Variants in PCDH15 observed in about 807,000 individuals in gnomAD.
PCDH15 encodes the protein protocadherin-15.
Under a neutral mutation model 178.5 loss-of-function variants are expected in PCDH15, and 129 were observed. The observed-to-expected ratio is 0.72, with a 90% CI of 0.63 to 0.84. The LOEUF (loss-of-function observed/expected upper bound fraction) is 0.84, where lower values mean the gene tolerates loss of function less well. Ranked by LOEUF, PCDH15 falls within the 40% of genes least tolerant of loss-of-function variation. The pLI, the probability that PCDH15 is intolerant of heterozygous loss-of-function variation, is 0.00. For synonymous variants in PCDH15, 800 were observed against 732.0 expected (o/e 1.09, Z -1.50); for missense variants, 2,230 against 2,099.9 (o/e 1.06, Z -1.21).
chr10:54,545,165 G>T (rs1488738752), intron 2 of PCDH15, among the ~76,000 whole-genome samples: 1 of 152,162 alleles, frequency 6.6e-6, no homozygotes, highest in African/African-American at 2.4e-5. Context: ...CAAGGACAGA[G>T]AAATTTTTAC....
At chr10:54,057,553 C>T (rs1367651651) in intron 18 of PCDH15, among the ~76,000 whole-genome samples, 2 of 151,934 alleles carry the variant, frequency 1.3e-5, no homozygotes, top group African/African-American at 4.8e-5. Flanking sequence ...AGGATACACA[C>T]AGCAGAGGGG....
intron 30 of PCDH15, among the ~76,000 whole-genome samples, chr10:53,828,985 T>C (rs2076868240): frequency 6.6e-6 from 1 of 152,180 alleles, no homozygotes; most frequent in Non-Finnish European, 1.5e-5. Flanking sequence ...TACTCTTGGC[T>C]TCACTTTGAA....
At chr10:55,397,125 T>C (rs1837949342) in intron 2 of PCDH15, among the ~76,000 whole-genome samples, 1 of 152,186 alleles carries the variant, frequency 6.6e-6, no homozygotes, top group African/African-American at 2.4e-5. Flanking sequence ...TAGAACTAGA[T>C]GTAATAGCTA....
chr10:55,275,803 T>C (rs1281951187), intron 1 of PCDH15, among the ~76,000 whole-genome samples: 5 of 151,568 alleles, frequency 3.3e-5, no homozygotes, highest in African/African-American at 1.2e-4. Flanking sequence ...AAAAGTCTTT[T>C]GGGATTTAAA....
chr10:54,687,981 A>G (rs2095045490), intron 1 of PCDH15, among the ~76,000 whole-genome samples: 1 of 152,134 alleles, frequency 6.6e-6, no homozygotes, highest in Non-Finnish European at 1.5e-5. Flanking sequence ...GTCTATAGTC[A>G]AAGATTATAC....
In PCDH15 at chr10:55,106,372, A is replaced by ATGTTT. The variant is rs1402466379; in HGVS notation, c.-80+60203_-80+60204insAAACA. ...TTTTGACATAAACTATAGAATAAGA[A>ATGTTT]GATATGAAACAAACATAAATATACA... On this transcript the variant is annotated intron_variant, in intron 2 of 5. Transcript: ENST00000458638. Among the ~76,000 whole-genome samples the ATGTTT allele has an allele frequency of 2.6e-5, 4 of 152,232 alleles. No individual in the cohort carries two copies. In the South Asian group the frequency reaches 8.3e-4, roughly 32 times the overall value.
intron 2 of PCDH15, among the ~76,000 whole-genome samples, chr10:55,536,202 A>G (rs1413676): frequency 0.31 from 47,600 of 151,960 alleles, 7,616 homozygotes; most frequent in African/African-American, 0.38. Context: ...TCAAGATATG[A>G]AACTGATATG....
chr10:54,691,809 C>T (rs766046895), intron 1 of PCDH15, among the ~76,000 whole-genome samples: 1 of 152,062 alleles, frequency 6.6e-6, no homozygotes, highest in Non-Finnish European at 1.5e-5. Context: ...TGTAGACTTT[C>T]TGCTTACGGA....
At chr10:55,180,417 C>G (rs576641876) in intron 1 of PCDH15, among the ~76,000 whole-genome samples, 2 of 152,170 alleles carry the variant, frequency 1.3e-5, no homozygotes, top group East Asian at 3.9e-4. Flanking sequence ...CCAGTATGTG[C>G]TTTAGATAAG....
chr10:55,340,413 A>T (rs1844521537), intron 2 of PCDH15, among the ~76,000 whole-genome samples: 1 of 151,950 alleles, frequency 6.6e-6, no homozygotes, highest in Non-Finnish European at 1.5e-5. Context: ...TATAAATGAT[A>T]AAGTATATGG....
intron 25 of PCDH15, among the ~76,000 whole-genome samples, chr10:53,914,070 T>C (rs1456848524): frequency 1.3e-5 from 2 of 152,132 alleles, no homozygotes; most frequent in Non-Finnish European, 2.9e-5. Flanking sequence ...TAAGATACCA[T>C]CTCACACCAG....
In PCDH15 at chr10:55,459,550, G is replaced by A. The variant is rs189123613; in HGVS notation, c.-156+168075C>T. Among the ~76,000 whole-genome samples, 10 of 152,176 alleles carry A rather than the reference G, an allele frequency of 6.6e-5. No homozygotes were observed. In the East Asian group the frequency reaches 1.4e-3, roughly 21 times the overall value. On this transcript the variant is annotated intron_variant, in intron 2 of 5. Transcript: ENST00000613346. ...TCATGATATCATCTAAAATTTATGT[G>A]AGCAAGGCTGAAGTGGGAAGAAGTG...
In PCDH15 at chr10:55,066,212, T is replaced by TA. The variant is rs1419211787; in HGVS notation, c.-80+100363_-80+100364insT. Among the ~76,000 whole-genome samples, 93 of 149,794 alleles carry TA rather than the reference T, an allele frequency of 6.2e-4. No individual in the cohort carries two copies. In the Middle Eastern group the frequency reaches 0.014, roughly 22 times the overall value. ...TCTTATTTCTCCCTTAATATCTGTT[T>TA]CTTTCACCAGGATAAATGTGTGTGA... On this transcript the variant is annotated intron_variant, in intron 2 of 5. Coordinates refer to the PCDH15 transcript ENST00000458638.
chr10:54,436,768 T>C (rs1422824605), intron 3 of PCDH15, among the ~76,000 whole-genome samples: 1 of 151,616 alleles, frequency 6.6e-6, no homozygotes, highest in African/African-American at 2.4e-5. Context: ...TCTAGAAACT[T>C]TGTTACACAT....
chr10:55,281,181 C>T (rs1366592005), intron 1 of PCDH15, among the ~76,000 whole-genome samples: 2 of 152,078 alleles, frequency 1.3e-5, no homozygotes, highest in Non-Finnish European at 2.9e-5. Context: ...TAATAGGAAG[C>T]CACTCAGAAA....
intron 26 of PCDH15, among the ~76,000 whole-genome samples, chr10:53,877,789 C>A (rs1405305426): frequency 6.6e-6 from 1 of 152,120 alleles, no homozygotes; most frequent in African/African-American, 2.4e-5. Context: ...CTCCTCCCTA[C>A]TTCCAGTCCA....
intron 1 of PCDH15, among the ~76,000 whole-genome samples, chr10:54,764,964 A>C (rs2133192041): frequency 6.6e-6 from 1 of 152,314 alleles, no homozygotes; most frequent in African/African-American, 2.4e-5. Context: ...ATATTTCTGT[A>C]TCCTAACTAT....
intron 2 of PCDH15, among the ~76,000 whole-genome samples, chr10:55,375,540 T>C (rs936718882): frequency 1.3e-5 from 2 of 152,146 alleles, no homozygotes; most frequent in Non-Finnish European, 2.9e-5. Flanking sequence ...TTTGTTCTTT[T>C]GCATCTTTAA....
chr10:55,303,247 G>A (rs778170815), intron 1 of PCDH15, among the ~76,000 whole-genome samples: 3 of 152,028 alleles, frequency 2.0e-5, no homozygotes, highest in Admixed American at 6.6e-5. Context: ...CTCTTTGCCC[G>A]CAGCAAAGTG....
Sources: gnomAD v4.1 joint callset for allele counts (sites outside exome capture counted in the v4.1 genomes callset) on GRCh38, gnomAD v4.1.1 for gene constraint, MANE v1.5 for transcripts, NCBI Gene and HGNC (gene_info 2026-07-23, HGNC 2026-07-21) for gene names.